BRINP3: variants seen among roughly 807,000 people sequenced by gnomAD.
BRINP3 encodes BMP/retinoic acid inducible neural specific 3.
Under a neutral mutation model 71.0 loss-of-function variants are expected in BRINP3, and 19 were observed. The observed-to-expected ratio is 0.27, with a 90% confidence interval of 0.19 to 0.39. The LOEUF (loss-of-function observed/expected upper bound fraction) is 0.39. Ranked by LOEUF, BRINP3 falls within the 10% of genes least tolerant of loss-of-function variation. The pLI is 1.00. For missense variants in BRINP3, 959 were observed against 940.8 expected, an observed-to-expected ratio of 1.02 and a Z score of -0.25; for synonymous variants, 380 against 337.7, an observed-to-expected ratio of 1.13 and a Z score of -1.37.
In BRINP3 at chr1:190,160,827, A is replaced by G; in HGVS notation, c.1025T>C (p.Met342Thr). 1 of 1,613,576 alleles carries G rather than the reference A, an allele frequency of 6.2e-7. No individual in the cohort carries two copies. The highest frequency in any genetic ancestry group is 8.5e-7 in the Non-Finnish European group (1 of 1,179,656). Reference sequence around the variant, plus strand: ...ATTAGAATCCATTGTCCACAAATGCATTATAGTAGATGTGTTGAGGAAATA... The same window carrying G: ...ATTAGAATCCATTGTCCACAAATGCGTTATAGTAGATGTGTTGAGGAAATA... ...MNYFLNTSTI[M>T]HLWTMDSNFQ... The change falls in exon 7 of 8, where the codon ATG (methionine) becomes ACG (threonine). Residue 342 changes from methionine (M) to threonine (T), a missense_variant. By Grantham distance (81) the Met-to-Thr change is moderately conservative (BLOSUM62 -1). Transcript: ENST00000367462.
chr1:190,475,843 CT>C (rs71561669), intron 1 of BRINP3: 23,096 of 149,204 alleles, frequency 0.15, 1,922 homozygotes, highest in South Asian at 0.22. Flanking sequence ...TTTTCTTTTT[CT>C]TTTTTTTTTC....
intron 1 of BRINP3, among the ~76,000 whole-genome samples, 176 bp from the exon 2 acceptor site, chr1:190,455,116 C>T (rs541564561): frequency 1.3e-4 from 20 of 152,192 alleles, no homozygotes; most frequent in Middle Eastern, 3.4e-3. Flanking sequence ...ATCTTTTATA[C>T]TTTGTTCCTT....
At chr1:190,150,338 G>A (rs1305042673) in intron 7 of BRINP3, among the ~76,000 whole-genome samples, 1 of 151,906 alleles carries the variant, frequency 6.6e-6, no homozygotes, top group Non-Finnish European at 1.5e-5. Context: ...GCTAAAAGGC[G>A]GTGAGGAAGA....
chr1:190,163,830 C>G (rs1411047340), intron 6 of BRINP3, among the ~76,000 whole-genome samples: 2 of 152,026 alleles, frequency 1.3e-5, no homozygotes, highest in Non-Finnish European at 2.9e-5. Flanking sequence ...CTAGTTAACA[C>G]TTGATAACCA....
chr1:190,434,452 GTT>G (rs556189883), intron 2 of BRINP3, among the ~76,000 whole-genome samples: 1 of 151,750 alleles, frequency 6.6e-6, no homozygotes, highest in African/African-American at 2.4e-5. Flanking sequence ...TCTTTTTCAA[GTT>G]TTTTTGTTGA....
At chr1:190,296,689 A>T (rs1206724248) in intron 2 of BRINP3, among the ~76,000 whole-genome samples, 1 of 152,248 alleles carries the variant, frequency 6.6e-6, no homozygotes, top group South Asian at 2.1e-4. Context: ...CTAAACCAAA[A>T]AATAAAGTCA....
intron 2 of BRINP3, among the ~76,000 whole-genome samples, chr1:190,449,345 C>T (rs1177334212): frequency 1.3e-5 from 2 of 151,858 alleles, no homozygotes; most frequent in African/African-American, 4.8e-5. Flanking sequence ...ATTGAAGAGA[C>T]CAGGCATTCA....
chr1:190,303,326 G>C (rs2103003993), intron 2 of BRINP3, among the ~76,000 whole-genome samples: 1 of 151,622 alleles, frequency 6.6e-6, no homozygotes, highest in South Asian at 2.1e-4. Flanking sequence ...ATTCAGATAG[G>C]GATGGGGTGA....
At chr1:190,444,630 G>T (rs1370583585) in intron 2 of BRINP3, among the ~76,000 whole-genome samples, 1 of 151,968 alleles carries the variant, frequency 6.6e-6, no homozygotes, top group Non-Finnish European at 1.5e-5. Flanking sequence ...TGTCTCCCAG[G>T]TTCAAGCGAT....
At chr1:190,233,488 C>T (rs1329618314) in intron 5 of BRINP3, among the ~76,000 whole-genome samples, 2 of 152,096 alleles carry the variant, frequency 1.3e-5, no homozygotes, top group African/African-American at 4.8e-5. Flanking sequence ...GACACTGATA[C>T]ATTTTTCAAG....
chr1:190,362,161 G>A (rs1222049261), intron 2 of BRINP3: 1 of 152,094 alleles, frequency 6.6e-6, no homozygotes, highest in Non-Finnish European at 1.5e-5. Flanking sequence ...CAGACTTCCA[G>A]ATTTCTGAAG....
Position 190,151,977 on chromosome 1 carries a change from C to A in BRINP3, c.1184+8691G>T, listed in dbSNP as rs189772979. 2.6e-3 allele frequency among the ~76,000 whole-genome samples: 399 copies of A among 152,044 alleles called. 4 individuals are homozygous for A. The highest frequency in any genetic ancestry group is 9.3e-3 in the African/African-American group (386 of 41,480). Reference sequence around the variant, plus strand: ...AAGTAGAAATTTAATTCTGAAAATCCCTTGTTTAAATTAGTCTAATCATGT... The same window carrying A: ...AAGTAGAAATTTAATTCTGAAAATCACTTGTTTAAATTAGTCTAATCATGT... On this transcript the variant is annotated intron_variant, in intron 7 of 7. Transcript: ENST00000367462.
intron 6 of BRINP3, among the ~76,000 whole-genome samples, chr1:190,208,577 C>T (rs949536044): frequency 6.6e-6 from 1 of 152,116 alleles, no homozygotes; most frequent in East Asian, 1.9e-4. Flanking sequence ...ACTGCAACAA[C>T]CTCTGTCTCC....
chr1:190,452,798 A>C (rs558119680), intron 2 of BRINP3, among the ~76,000 whole-genome samples: 2 of 152,276 alleles, frequency 1.3e-5, no homozygotes, highest in South Asian at 4.1e-4. Context: ...CGGAGGTTGC[A>C]GTGTGTCAAG....
chr1:190,428,813 T>C (rs1488124144), intron 2 of BRINP3, among the ~76,000 whole-genome samples: 1 of 152,052 alleles, frequency 6.6e-6, no homozygotes, highest in Admixed American at 6.6e-5. Flanking sequence ...ACTAAAATAA[T>C]ACTAATAAAA....
At chr1:190,234,178 A>AC (rs1465803551) in intron 5 of BRINP3, among the ~76,000 whole-genome samples, 194 bp downstream of exon 5, 1 of 152,134 alleles carries the variant, frequency 6.6e-6, no homozygotes, top group Non-Finnish European at 1.5e-5. Context: ...AGAAAAGAAA[A>AC]TTTTTGATAT....
chr1:190,279,835 A>T (rs538834625), intron 3 of BRINP3, among the ~76,000 whole-genome samples: 1 of 151,990 alleles, frequency 6.6e-6, no homozygotes, highest in South Asian at 2.1e-4. Flanking sequence ...TTATTCCTGA[A>T]TTATAACTCA....
intron 2 of BRINP3, among the ~76,000 whole-genome samples, chr1:190,332,591 T>C (rs1464984704): frequency 6.6e-6 from 1 of 152,046 alleles, no homozygotes; most frequent in Non-Finnish European, 1.5e-5. Flanking sequence ...AAAGACAGTC[T>C]TTCTCAAAAC....
chr1:190,276,527 A>G (rs902704723), intron 3 of BRINP3, among the ~76,000 whole-genome samples: 4 of 151,226 alleles, frequency 2.6e-5, no homozygotes, highest in South Asian at 2.1e-4. Context: ...GTATCTTACT[A>G]ACTTCTGACT....
Sources: allele counts gnomAD v4.1 joint callset (sites outside exome capture counted in the v4.1 genomes callset), GRCh38; gene constraint gnomAD v4.1.1; transcripts MANE v1.5; gene names NCBI Gene and HGNC (gene_info 2026-07-23, HGNC 2026-07-21).